CNTNAP2: variants seen among roughly 807,000 people sequenced by gnomAD.
The protein encoded by CNTNAP2 is contactin-associated protein-like 2.
In CNTNAP2, 98 loss-of-function variants were observed where a neutral mutation model predicts 155.2. The observed-to-expected ratio is 0.63, with a 90% CI of 0.54 to 0.75. CNTNAP2 has a LOEUF of 0.75. CNTNAP2 is among the 30% of genes least tolerant of loss of function. The pLI is 0.00. For synonymous variants in CNTNAP2, 651 were observed against 631.2 expected, an observed-to-expected ratio of 1.03 and a Z score of -0.47; for missense variants, 1,727 against 1,688.1, an observed-to-expected ratio of 1.02 and a Z score of -0.40.
intron 1 of CNTNAP2, among the ~76,000 whole-genome samples, chr7:146,270,778 A>G (rs763418438): frequency 2.0e-5 from 3 of 152,138 alleles, no homozygotes; most frequent in Non-Finnish European, 4.4e-5. Context: ...ATAACATTTT[A>G]TTTAATTGTC....
At chr7:146,416,972 A>G (rs1318853280) in intron 1 of CNTNAP2, among the ~76,000 whole-genome samples, 1 of 152,172 alleles carries the variant, frequency 6.6e-6, no homozygotes, top group Admixed American at 6.6e-5. Context: ...GTGACCTTCT[A>G]TCGCCTGATT....
At chr7:146,340,274 G>A (rs7785690) in intron 1 of CNTNAP2, among the ~76,000 whole-genome samples, 10,870 of 140,070 alleles carry the variant, frequency 0.078, 903 homozygotes, top group African/African-American at 0.21. Context: ...TTTTTTGTTT[G>A]TTGTTGTTGT....
intron 1 of CNTNAP2, among the ~76,000 whole-genome samples, chr7:146,678,585 T>G (rs1294575601): frequency 6.6e-6 from 1 of 152,160 alleles, no homozygotes; most frequent in Non-Finnish European, 1.5e-5. Flanking sequence ...TAGGACCTAT[T>G]AGGTTTCACT....
At chr7:146,689,316 G>A (rs1800657565) in intron 1 of CNTNAP2, among the ~76,000 whole-genome samples, 1 of 151,836 alleles carries the variant, frequency 6.6e-6, no homozygotes, top group East Asian at 1.9e-4. Flanking sequence ...GCCATAAAAT[G>A]TATTATGCAT....
chr7:147,469,524 TTTTTTTTTC>T lies in CNTNAP2; in HGVS notation c.1671-16409_1671-16401del, dbSNP rs1251196801. 5.5e-4 allele frequency among the ~76,000 whole-genome samples: 47 copies of T among 85,826 alleles called. 5 individuals are homozygous for T. Among genetic ancestry groups the T allele is most frequent in the Admixed American group, 1.8e-3 (13 of 7,230 alleles). 56.3% of individuals were successfully genotyped at this position (85,826 alleles called of 152,430 possible). Reference sequence around the variant, plus strand: ...GGCTGCAATTTTTTTTTTTTTTTTTTTTTTTTTTCTGTGAGACAAAGTCTCGCTCTGCCG... The same window carrying T: ...GGCTGCAATTTTTTTTTTTTTTTTTTTGTGAGACAAAGTCTCGCTCTGCCG... On this transcript the variant is annotated intron_variant, in intron 10 of 23. Transcript: ENST00000361727.
At chr7:146,526,819 T>C (rs1317168898) in intron 1 of CNTNAP2, among the ~76,000 whole-genome samples, 1 of 152,196 alleles carries the variant, frequency 6.6e-6, no homozygotes, top group Non-Finnish European at 1.5e-5. Context: ...AAAATTTAAA[T>C]ATTTTAAGAC....
intron 9 of CNTNAP2, among the ~76,000 whole-genome samples, chr7:147,382,062 A>G (rs111358001): frequency 0.06 from 9,168 of 152,178 alleles, 294 homozygotes; most frequent in South Asian, 0.092. Flanking sequence ...AATCTAATAA[A>G]CATCACTTTT....
At chr7:146,190,871 T>G (rs1170749578) in intron 1 of CNTNAP2, among the ~76,000 whole-genome samples, 2 of 152,016 alleles carry the variant, frequency 1.3e-5, no homozygotes, top group East Asian at 3.9e-4. Context: ...ACATGAAAAA[T>G]GTCATTCATG....
intron 13 of CNTNAP2, among the ~76,000 whole-genome samples, chr7:147,702,397 A>G (rs114962493): frequency 6.6e-6 from 1 of 152,314 alleles, no homozygotes; most frequent in African/African-American, 2.4e-5. Context: ...CTGTTTCCCA[A>G]TCTGTTATGA....
chr7:147,577,675 T>C (rs1800420580), intron 12 of CNTNAP2, among the ~76,000 whole-genome samples: 1 of 151,946 alleles, frequency 6.6e-6, no homozygotes, highest in South Asian at 2.1e-4. Context: ...ATAACAAGTT[T>C]TTTTTTTCTC....
chr7:146,984,180 C>A (rs1373360532), intron 3 of CNTNAP2, among the ~76,000 whole-genome samples: 1 of 151,864 alleles, frequency 6.6e-6, no homozygotes, highest in Non-Finnish European at 1.5e-5. Context: ...CCAGCCTGAT[C>A]AACATGAAGA....
At chr7:147,122,503 G>T (rs1027879471) in intron 6 of CNTNAP2, 5 of 152,210 alleles carry the variant, frequency 3.3e-5, no homozygotes, top group Non-Finnish European at 7.3e-5. Flanking sequence ...CTAATGGGAT[G>T]AGTGCTATTG....
chr7:147,226,279 T>C (rs1284150477), intron 8 of CNTNAP2, among the ~76,000 whole-genome samples: 1 of 152,184 alleles, frequency 6.6e-6, no homozygotes, highest in Non-Finnish European at 1.5e-5. Context: ...TGTTGCAATA[T>C]GATCGAGGTC....
intron 1 of CNTNAP2, among the ~76,000 whole-genome samples, chr7:146,419,739 G>A (rs555153360): frequency 2.6e-5 from 4 of 152,074 alleles, no homozygotes; most frequent in East Asian, 1.9e-4. Context: ...CTGTTAATAC[G>A]GCTTCTATCC....
At chr7:147,717,341 A>G (rs1796496271) in intron 13 of CNTNAP2, among the ~76,000 whole-genome samples, 1 of 152,106 alleles carries the variant, frequency 6.6e-6, no homozygotes, top group Non-Finnish European at 1.5e-5. Flanking sequence ...GCCAACACTA[A>G]TAATTAGGCC....
intron 11 of CNTNAP2, among the ~76,000 whole-genome samples, chr7:147,486,950 A>G (rs1041380426): frequency 6.6e-6 from 1 of 150,998 alleles, no homozygotes; most frequent in African/African-American, 2.4e-5. Context: ...AGAGAGATTC[A>G]ACCTTCTCTC....
intron 1 of CNTNAP2, among the ~76,000 whole-genome samples, chr7:146,514,601 T>C (rs1797514342): frequency 6.6e-6 from 1 of 152,106 alleles, no homozygotes; most frequent in South Asian, 2.1e-4. Context: ...ATTTGTTGAA[T>C]TTCTGTAATA....
At chr7:146,401,011 A>G (rs562485676) in intron 1 of CNTNAP2, among the ~76,000 whole-genome samples, 99 of 152,328 alleles carry the variant, frequency 6.5e-4, no homozygotes, top group African/African-American at 2.1e-3. Context: ...TTTGATTGTA[A>G]TGACTAACAA....
intron 15 of CNTNAP2, among the ~76,000 whole-genome samples, chr7:148,107,476 T>C (rs1026196046): frequency 2.6e-5 from 4 of 152,138 alleles, no homozygotes; most frequent in Non-Finnish European, 5.9e-5. Context: ...GCAGAGAGAG[T>C]GGCTGACTCA....
Sources: allele counts gnomAD v4.1 joint callset (sites outside exome capture counted in the v4.1 genomes callset), GRCh38; gene constraint gnomAD v4.1.1; transcripts MANE v1.5; gene names NCBI Gene and HGNC (gene_info 2026-07-23, HGNC 2026-07-21).